Variants in PIEZO1 observed in about 807,000 individuals in gnomAD.
PIEZO1 encodes the protein piezo-type mechanosensitive ion channel component 1.
A neutral mutation model predicts 297.2 loss-of-function variants in PIEZO1; 296 were observed. The observed-to-expected ratio is 1.00, with a 90% CI of 0.91 to 1.10. PIEZO1 has a LOEUF of 1.10. Among genes scored for constraint, PIEZO1 ranks in the 50% least tolerant of loss-of-function variants. The pLI is 0.00. For missense variants in PIEZO1, 5,018 were observed against 3,455.5 expected (o/e 1.45, Z -11.34); for synonymous variants, 2,427 against 1,507.5 (o/e 1.61, Z -14.13).
chr16:88,749,065 G>T lies in PIEZO1; in HGVS notation c.160+319C>A, dbSNP rs28373923. 2.2e-4 allele frequency among the ~76,000 whole-genome samples: 34 copies of T among 151,222 alleles called. 1 individual carries two copies. Among genetic ancestry groups the T allele is most frequent in the Admixed American group, 2.0e-3 (30 of 15,210 alleles). On this transcript the variant is annotated intron_variant, in intron 2 of 50. Transcript: ENST00000301015. ...ATCCTGGCTATCACGGTGAAACCCC[G>T]TCTCTACTAAAAATACAAAAAAAAA...
chr16:88,727,649 C>T lies in PIEZO1; in HGVS notation c.3209G>A (p.Arg1070His), dbSNP rs1300560057. The change falls in exon 23 of 51, where the codon CGC (arginine) becomes CAC (histidine). Residue 1070 changes from arginine (R) to histidine (H), a missense_variant. By Grantham distance (29) the Arg-to-His change is conservative (BLOSUM62 0). Transcript: ENST00000301015. ...PPALCIDYPW[R>H]WSRAVPMNSA... is the part of the protein sequence containing the mutation. ...GTTCATGGGGACGGCCCGGCTCCAG[C>T]GCCAGGGATAATCTGGGGGAAGGGG... The T allele has an allele frequency of 1.0e-5, 15 of 1,467,952 alleles. No individual in the cohort carries two copies. The highest frequency in any genetic ancestry group is 2.8e-5 in the African/African-American group (2 of 70,480). The allele number at this position is 1,467,952 out of a possible 1,614,324, so 90.9% of individuals were successfully genotyped here.
Position 88,721,717 on chromosome 16 carries a change from C to T in PIEZO1, c.5224G>A (p.Val1742Ile). Residue 1742 changes from valine to isoleucine, a missense_variant, in exon 38 of 51, where the codon GTC (valine) becomes ATC (isoleucine). Coordinates refer to ENST00000301015, the MANE Select transcript of PIEZO1 (RefSeq NM_001142864.4). ...CCAAACTGGAACAGGTACTTGACGA[C>T]CACCGCGATCTGTGGGGGAGGGGGC... ...TAIVFTEIAV[V>I]VKYLFQFGFF... 1 of 1,541,940 alleles carries T rather than the reference C, an allele frequency of 6.5e-7. No individual in the cohort carries two copies. The highest frequency in any genetic ancestry group is 8.7e-7 in the Non-Finnish European group (1 of 1,143,120).
chr16:88,719,630 C>G lies in PIEZO1; in HGVS notation c.6415G>C (p.Val2139Leu). 1 of 1,553,090 alleles carries G rather than the reference C, an allele frequency of 6.4e-7. No homozygotes were observed. The highest frequency in any genetic ancestry group is 8.7e-7 in the Non-Finnish European group (1 of 1,148,326). ...TTLSLSSWMC[V>L]EDIYANIFII... ...AAGATGTTGGCATAGATGTCCTCCA[C>G]ACACATCCAGCTGGACAGGGACAGC... The change falls in exon 44 of 51, where the codon GTG becomes CTG. Residue 2139 changes from valine to leucine, a missense_variant. Val to Leu is a conservative substitution (Grantham distance 32, BLOSUM62 1). Transcript: ENST00000301015.
chr16:88,736,669 C>G lies in PIEZO1; in HGVS notation c.1266G>C (p.Gln422His). The G allele has an allele frequency of 2.0e-6, 3 of 1,533,160 alleles. No homozygotes were observed. The highest frequency in any genetic ancestry group is 2.6e-6 in the Non-Finnish European group (3 of 1,145,964). 95.0% of individuals were successfully genotyped at this position (1,533,160 alleles called of 1,614,324 possible). ...LHSLGHLIMDQSYVCALIAMM... is the reference protein window; with the variant it reads ...LHSLGHLIMDHSYVCALIAMM... ...TGGCAATGAGCGCGCACACATAGCT[C>G]TGGTCCATGATGAGGTGGCCCAGGC... The change falls in exon 11 of 51, where the codon CAG becomes CAC. Residue 422 changes from glutamine (Q) to histidine (H), a missense_variant. By Grantham distance (24) the Gln-to-His change is conservative. Transcript: ENST00000301015.
intron 3 of PIEZO1, 58 bp from the exon 4 acceptor site, chr16:88,742,153 G>A: frequency 2.6e-6 from 4 of 1,528,774 alleles, no homozygotes; most frequent in Non-Finnish European, 3.5e-6. Flanking sequence ...ACCGTGGCCT[G>A]GTCATCCCTG....
At position 88,722,294 on chromosome 16, in the gene PIEZO1, C is replaced by T. The variant is rs976872648; in HGVS notation, c.4879G>A (p.Asp1627Asn). ...GCACCAGCCTCACGCTCCCCGGGGTCGGTGACTGCCTCCTCACTGCCACTG... is the reference window on the plus strand; with the variant it reads ...GCACCAGCCTCACGCTCCCCGGGGTTGGTGACTGCCTCCTCACTGCCACTG... ...TRSGSEEAVT[D>N]PGEREAGASL... Residue 1627 changes from aspartate (D) to asparagine (N), a missense_variant, in exon 36 of 51, where the codon GAC becomes AAC. Coordinates refer to ENST00000301015, the MANE Select transcript of PIEZO1 (RefSeq NM_001142864.4). 5.4e-5 allele frequency: 83 copies of T among 1,548,326 alleles called. No individual in the cohort carries two copies. Among genetic ancestry groups the T allele is most frequent in the Admixed American group, 1.4e-4 (7 of 50,874 alleles).
Position 88,749,485 on chromosome 16 carries a change from G to A in PIEZO1, c.65-6C>T. ...GCTGAAGCGGAGCAGGCAGGCTGCG[G>A]GGAGATGGGCGTTAACTAGGTCGCC... is the stretch of plus-strand genomic sequence containing the variant. On this transcript the variant is annotated splice_region_variant and splice_polypyrimidine_tract_variant and intron_variant, in intron 1 of 50. Coordinates refer to ENST00000301015, the MANE Select transcript of PIEZO1 (RefSeq NM_001142864.4). 1 of 1,524,522 alleles carries A rather than the reference G, an allele frequency of 6.6e-7. No homozygotes were observed. The highest frequency in any genetic ancestry group is 8.8e-7 in the Non-Finnish European group (1 of 1,141,960). The allele number at this position is 1,524,522 out of a possible 1,614,324, so 94.4% of individuals were successfully genotyped here.
intron 22 of PIEZO1, 57 bp from the exon 23 acceptor site, chr16:88,727,718 C>G: frequency 4.9e-6 from 4 of 816,114 alleles, no homozygotes; most frequent in Non-Finnish European, 7.3e-6. Context: ...CCTGAGACAC[C>G]CGGTCCCCAC....
rs376122435 is a variant in PIEZO1 at position 88,725,612 on chromosome 16, C to T, written c.4041G>A (p.Leu1347=). Residue 1347 remains leucine (L), a synonymous_variant, in exon 28 of 51, where the codon CTG becomes CTA. Coordinates refer to ENST00000301015, the MANE Select transcript of PIEZO1 (RefSeq NM_001142864.4). ...GCACCTACTGTCTTTTCAGCTGGGC[C>T]AGGGACTTCTCCTCTATCCTGCGGT... ...DFHRRIEEKS[L]AQLKRQMERI... 66 of 1,549,104 alleles carry T rather than the reference C, an allele frequency of 4.3e-5. No individual in the cohort carries two copies. In the African/African-American group the frequency reaches 8.1e-4, roughly 19 times the overall value.
chr16:88,765,201 C>CA (rs1907118185), intron 1 of PIEZO1, among the ~76,000 whole-genome samples: 1 of 152,258 alleles, frequency 6.6e-6, no homozygotes, highest in Non-Finnish European at 1.5e-5. Flanking sequence ...CCCCGGCACT[C>CA]AGAGAGGAAT....
At chr16:88,726,131 C>T (rs1193859907) in intron 27 of PIEZO1, 153 bp downstream of exon 27, 4 of 641,948 alleles carry the variant, frequency 6.2e-6, no homozygotes, top group Admixed American at 3.0e-5. Context: ...GGGGATCTGC[C>T]GGCCTTCATT....
chr16:88,768,111 AG>A (rs1458333230), intron 1 of PIEZO1, among the ~76,000 whole-genome samples: 1 of 148,628 alleles, frequency 6.7e-6, no homozygotes, highest in African/African-American at 2.6e-5. Flanking sequence ...TGTCCTGGGG[AG>A]GGGGGCCCAG....
rs1374174553 is a variant in PIEZO1, at chr16:88,755,805, G to A, written c.65-6326C>T. Among the ~76,000 whole-genome samples, 7 of 152,352 alleles carry A rather than the reference G, an allele frequency of 4.6e-5. No homozygotes were observed. The South Asian group carries it at 6.2e-4, about 14-fold the overall frequency. ...CAGAGCGGCCTCACAGGAGAGCCTC[G>A]GGCGGTGGACAGGTGGGGACCGGGT... On this transcript the variant is annotated intron_variant, in intron 1 of 50. Coordinates refer to ENST00000301015, the MANE Select transcript of PIEZO1 (RefSeq NM_001142864.4).
intron 1 of PIEZO1, among the ~76,000 whole-genome samples, chr16:88,772,702 C>T (rs1907479204): frequency 6.7e-6 from 1 of 150,084 alleles, no homozygotes; most frequent in African/African-American, 2.4e-5. Flanking sequence ...TCGCTTGAAC[C>T]TGGGAGGCGA....
chr16:88,770,807 C>G (rs1597486053), intron 1 of PIEZO1, among the ~76,000 whole-genome samples: 1 of 152,350 alleles, frequency 6.6e-6, no homozygotes, highest in South Asian at 2.1e-4. Flanking sequence ...GCGGCCCTGC[C>G]ATAGGTGACA....
chr16:88,731,556 T>C (rs1450850512), intron 22 of PIEZO1, 150 bp downstream of exon 22: 1 of 596,662 alleles, frequency 1.7e-6, no homozygotes, highest in East Asian at 2.9e-5. Flanking sequence ...TGATGGCGCC[T>C]GGGTAGGATG....
chr16:88,749,418 G>C lies in PIEZO1; in HGVS notation c.126C>G (p.Pro42=), dbSNP rs1368034630. ...CGCATCGGGTGGGGCCGGGGAACCAGGGCAGCAGCAGCAGGAAGAGCAGGT... is the reference window on the plus strand; with the variant it reads ...CGCATCGGGTGGGGCCGGGGAACCACGGCAGCAGCAGCAGGAAGAGCAGGT... ...LVYLLFLLLL[P]WFPGPTRCGL... The change falls in exon 2 of 51, where the codon CCC becomes CCG. Residue 42 remains proline (P), a synonymous_variant. Transcript: ENST00000301015. The C allele has an allele frequency of 3.3e-6, 5 of 1,523,728 alleles. No homozygotes were observed. Among genetic ancestry groups the C allele is most frequent in the Non-Finnish European group, 4.4e-6 (5 of 1,142,030 alleles). 94.4% of individuals were successfully genotyped at this position (1,523,728 alleles called of 1,614,324 possible).
intron 30 of PIEZO1, among the ~76,000 whole-genome samples, chr16:88,724,724 G>A (rs143405081): frequency 6.6e-6 from 1 of 152,274 alleles, no homozygotes; most frequent in Admixed American, 6.5e-5. Flanking sequence ...ATAACGCAGT[G>A]CTGCTGGGTC....
At chr16:88,761,267 G>A (rs977714416) in intron 1 of PIEZO1, among the ~76,000 whole-genome samples, 7 of 152,200 alleles carry the variant, frequency 4.6e-5, no homozygotes, top group African/African-American at 9.6e-5. Context: ...ACTCCACCAC[G>A]CCCATTTCAC....
Sources: allele counts gnomAD v4.1 joint callset (sites outside exome capture counted in the v4.1 genomes callset), GRCh38; gene constraint gnomAD v4.1.1; transcripts MANE v1.5; gene names NCBI Gene and HGNC (gene_info 2026-07-23, HGNC 2026-07-21).